The following TAX1BP1 variants were observed in gnomAD, a reference collection of about 807,000 sequenced individuals.
TAX1BP1 encodes tax1-binding protein 1.
In TAX1BP1, 62 loss-of-function variants were observed where a neutral mutation model predicts 97.7. That is an observed-to-expected ratio of 0.63 (90% confidence interval 0.52 to 0.78). The LOEUF (loss-of-function observed/expected upper bound fraction) is 0.78. TAX1BP1 is among the 30% of genes least tolerant of loss of function. TAX1BP1 has a pLI of 0.00. For synonymous variants in TAX1BP1, 340 were observed against 304.2 expected, an observed-to-expected ratio of 1.12 and a Z score of -1.23; for missense variants, 867 against 916.1, an observed-to-expected ratio of 0.95 and a Z score of 0.69.
intron 3 of TAX1BP1, 67 bp downstream of exon 3, chr7:27,758,200 C>T: frequency 8.0e-7 from 1 of 1,253,088 alleles, no homozygotes; most frequent in East Asian, 2.4e-5. Flanking sequence ...ATGTTGTACT[C>T]CATTGTAATG....
At chr7:27,808,243 C>T (rs1003497678) in intron 13 of TAX1BP1, among the ~76,000 whole-genome samples, 5 of 152,176 alleles carry the variant, frequency 3.3e-5, no homozygotes, top group Admixed American at 2.0e-4. Flanking sequence ...AATAGCAACA[C>T]ACACAAAAAA....
chr7:27,823,761 AAAC>A (rs1791069191), intron 15 of TAX1BP1, among the ~76,000 whole-genome samples: 1 of 152,178 alleles, frequency 6.6e-6, no homozygotes, highest in Non-Finnish European at 1.5e-5. Flanking sequence ...CTTACCCATT[AAAC>A]AACAACTCCC....
chr7:27,825,211 TCTTG>T (rs1292087541), intron 15 of TAX1BP1, among the ~76,000 whole-genome samples: 3 of 151,898 alleles, frequency 2.0e-5, no homozygotes, highest in Non-Finnish European at 4.4e-5. Flanking sequence ...CAAGTTCTTG[TCTTG>T]CTTTTCTTTT....
At chr7:27,797,902 G>A (rs1031106940) in intron 12 of TAX1BP1, among the ~76,000 whole-genome samples, 20 of 150,156 alleles carry the variant, frequency 1.3e-4, no homozygotes, top group African/African-American at 4.9e-4. Flanking sequence ...TGAATTGCAC[G>A]TACCTAGAGT....
intron 1 of TAX1BP1, among the ~76,000 whole-genome samples, chr7:27,743,640 G>T (rs956296061): frequency 1.1e-4 from 17 of 152,206 alleles, no homozygotes; most frequent in African/African-American, 3.4e-4. Context: ...AGAATGAACA[G>T]TAAAATGAAC....
rs113016951 is a variant in TAX1BP1, at chr7:27,812,057, A to G, written c.1765-4292A>G. On this transcript the variant is annotated intron_variant, in intron 13 of 16. Coordinates refer to ENST00000396319, the MANE Select transcript of TAX1BP1 (RefSeq NM_006024.7). ...CTTATATGGTAAGTGTATGTTTTTA[A>G]TGAAACGGCCGAATTGTTTTTACAA... 7.9e-5 allele frequency among the ~76,000 whole-genome samples: 12 copies of G among 152,298 alleles called. 1 individual carries two copies. Among genetic ancestry groups the G allele is most frequent in the African/African-American group, 2.9e-4 (12 of 41,544 alleles).
At chr7:27,788,832 A>G (rs1789589666) in intron 8 of TAX1BP1, among the ~76,000 whole-genome samples, 1 of 151,914 alleles carries the variant, frequency 6.6e-6, no homozygotes, top group Non-Finnish European at 1.5e-5. Flanking sequence ...TGTTTTTTTT[A>G]GTAGGTAATG....
At chr7:27,790,084 C>G (rs952750876) in intron 8 of TAX1BP1, among the ~76,000 whole-genome samples, 3 of 151,874 alleles carry the variant, frequency 2.0e-5, no homozygotes, top group Admixed American at 6.6e-5. Context: ...TAATCCTCAT[C>G]CCTTCTCAGA....
intron 5 of TAX1BP1, among the ~76,000 whole-genome samples, chr7:27,784,474 A>C (rs1245597839): frequency 6.6e-6 from 1 of 152,178 alleles, no homozygotes; most frequent in East Asian, 1.9e-4. Flanking sequence ...TCACACTGGC[A>C]AGAAGATTAG....
intron 12 of TAX1BP1, among the ~76,000 whole-genome samples, chr7:27,798,874 G>C (rs976124565): frequency 6.7e-6 from 1 of 150,236 alleles, no homozygotes; most frequent in African/African-American, 2.4e-5. Flanking sequence ...TTAAATATAG[G>C]GTTGTTCATC....
intron 10 of TAX1BP1, among the ~76,000 whole-genome samples, chr7:27,793,730 A>G (rs1370357581): frequency 6.6e-6 from 1 of 152,180 alleles, no homozygotes; most frequent in Non-Finnish European, 1.5e-5. Flanking sequence ...ACCAAAGAAG[A>G]TGTTTTTGTT....
At chr7:27,758,639 A>G (rs981647453) in intron 3 of TAX1BP1, among the ~76,000 whole-genome samples, 1 of 152,136 alleles carries the variant, frequency 6.6e-6, no homozygotes, top group African/African-American at 2.4e-5. Context: ...TATTCAGGTA[A>G]TTCTGACATA....
chr7:27,746,388 T>C (rs61014190), intron 1 of TAX1BP1, among the ~76,000 whole-genome samples: 958 of 61,558 alleles, frequency 0.016, 11 homozygotes, highest in African/African-American at 0.036. Context: ...TTTTTTTTTC[T>C]TTTTTTTTTA....
chr7:27,819,148 C>A (rs1174447935), intron 15 of TAX1BP1, among the ~76,000 whole-genome samples: 1 of 152,018 alleles, frequency 6.6e-6, no homozygotes, highest in African/African-American at 2.4e-5. Context: ...TTATTTCTTT[C>A]AACCTGCTGT....
At chr7:27,751,597 G>T (rs1788022691) in intron 2 of TAX1BP1, among the ~76,000 whole-genome samples, 1 of 152,124 alleles carries the variant, frequency 6.6e-6, no homozygotes, top group Non-Finnish European at 1.5e-5. Flanking sequence ...GTTCTTGGAA[G>T]TAGAATCACC....
intron 15 of TAX1BP1, among the ~76,000 whole-genome samples, chr7:27,822,424 T>C (rs1410337739): frequency 6.6e-6 from 1 of 152,212 alleles, no homozygotes; most frequent in Non-Finnish European, 1.5e-5. Context: ...GTAACTCTTA[T>C]GTTTACCTAA....
intron 11 of TAX1BP1, among the ~76,000 whole-genome samples, chr7:27,795,107 A>G (rs1055384627): frequency 3.9e-5 from 6 of 152,204 alleles, no homozygotes; most frequent in Non-Finnish European, 7.3e-5. Context: ...TAGAGAAAGT[A>G]TATTTTCTTG....
intron 13 of TAX1BP1, among the ~76,000 whole-genome samples, chr7:27,815,994 A>G (rs1790752456): frequency 6.6e-6 from 1 of 152,196 alleles, no homozygotes; most frequent in Admixed American, 6.5e-5. Context: ...AGATCGTGCC[A>G]TTGCACCCCA....
chr7:27,754,871 C>T (rs985442812), intron 2 of TAX1BP1, among the ~76,000 whole-genome samples: 21 of 152,196 alleles, frequency 1.4e-4, no homozygotes, highest in Non-Finnish European at 2.5e-4. Context: ...GCGTAAACCA[C>T]CCCACCTGGC....
Sources: allele counts gnomAD v4.1 joint callset (sites outside exome capture counted in the v4.1 genomes callset), GRCh38; gene constraint gnomAD v4.1.1; transcripts MANE v1.5; gene names NCBI Gene and HGNC (gene_info 2026-07-23, HGNC 2026-07-21).